CDH19: variants seen among roughly 807,000 people sequenced by gnomAD.
CDH19 encodes cadherin-19.
A neutral mutation model predicts 64.2 loss-of-function variants in CDH19; 67 were observed. That is an observed-to-expected ratio of 1.04 (90% CI 0.86 to 1.28). The LOEUF (loss-of-function observed/expected upper bound fraction) is 1.28. Ranked by LOEUF, CDH19 falls within the 50% of genes most tolerant of loss-of-function variation. CDH19 has a pLI of 0.00. For missense variants in CDH19, 1,030 were observed against 929.0 expected (o/e 1.11, Z -1.41); for synonymous variants, 346 against 319.3 (o/e 1.08, Z -0.89).
intron 1 of CDH19, among the ~76,000 whole-genome samples, chr18:66,579,776 C>T (rs929365514): frequency 1.3e-5 from 2 of 151,916 alleles, no homozygotes; most frequent in African/African-American, 2.4e-5. Flanking sequence ...AGGTATAATA[C>T]ATACTAATGT....
In CDH19 at chr18:66,602,068, G is replaced by T. The variant is rs181985852; in HGVS notation, c.-113+1886C>A. On this transcript the variant is annotated intron_variant, in intron 1 of 11. Transcript: ENST00000262150. Reference sequence around the variant, plus strand: ...AAGATCATCGATGTTAAAGGAAATCGTCGTGACAACAAATTTTTCTTATTC... The same window carrying T: ...AAGATCATCGATGTTAAAGGAAATCTTCGTGACAACAAATTTTTCTTATTC... 4.1e-4 allele frequency among the ~76,000 whole-genome samples: 62 copies of T among 151,958 alleles called. 1 individual carries two copies. Among genetic ancestry groups the T allele is most frequent in the Admixed American group, 4.0e-3 (61 of 15,262 alleles).
chr18:66,585,228 C>G (rs1988542226), intron 1 of CDH19, among the ~76,000 whole-genome samples: 1 of 151,938 alleles, frequency 6.6e-6, no homozygotes, highest in Non-Finnish European at 1.5e-5. Flanking sequence ...GGAAGAAGTC[C>G]TGGATATATA....
intron 1 of CDH19, among the ~76,000 whole-genome samples, chr18:66,573,283 T>G (rs1353171943): frequency 6.6e-6 from 1 of 151,704 alleles, no homozygotes; most frequent in Non-Finnish European, 1.5e-5. Flanking sequence ...ATGTTAGGAC[T>G]TTTTCTACAT....
chr18:66,562,386 T>C (rs1002352772), intron 3 of CDH19, among the ~76,000 whole-genome samples: 2 of 151,804 alleles, frequency 1.3e-5, no homozygotes, highest in Non-Finnish European at 2.9e-5. Context: ...ACATGTGCAG[T>C]TCACAATAGG....
At chr18:66,602,865 T>C (rs1380958789) in intron 1 of CDH19, among the ~76,000 whole-genome samples, 2 of 151,886 alleles carry the variant, frequency 1.3e-5, no homozygotes, top group Admixed American at 6.6e-5. Flanking sequence ...TCACATTACA[T>C]TGAAATTTAA....
intron 1 of CDH19, among the ~76,000 whole-genome samples, chr18:66,586,463 A>T (rs1199642278): frequency 1.3e-5 from 2 of 151,920 alleles, no homozygotes; most frequent in Admixed American, 1.3e-4. Context: ...GCTCTGGGGG[A>T]CTGGAGTGGT....
chr18:66,521,668 TG>T (rs1985992116), intron 9 of CDH19, among the ~76,000 whole-genome samples: 1 of 151,732 alleles, frequency 6.6e-6, no homozygotes, highest in Non-Finnish European at 1.5e-5. Flanking sequence ...CCTTGGTAGC[TG>T]GTTCTACAGG....
intron 8 of CDH19, among the ~76,000 whole-genome samples, chr18:66,531,721 C>T (rs1986452126): frequency 6.6e-6 from 1 of 152,028 alleles, no homozygotes; most frequent in Non-Finnish European, 1.5e-5. Flanking sequence ...ACCAGAATGC[C>T]TCAGTTGGCA....
rs117595206 is a variant in CDH19 at position 66,501,918 on chromosome 18, G to A, written c.*2894C>T. The stretch of plus-strand genomic sequence containing the variant: ...TGAGGGAACAACTAGCAGTTCGCTA[G>A]TCCTAATTTTCTTATTTTTACCATT... On this transcript the variant is annotated 3_prime_UTR_variant, in exon 12 of 12. Transcript: ENST00000262150. 1 of 152,032 alleles carries A rather than the reference G, an allele frequency of 6.6e-6. No homozygotes were observed. The highest frequency in any genetic ancestry group is 1.5e-5 in the Non-Finnish European group (1 of 68,006). 9.4% of individuals were successfully genotyped at this position (152,032 alleles called of 1,614,324 possible). A position where few individuals can be genotyped will look rare whatever the true frequency, so the allele number is the denominator to read the frequency against.
At chr18:66,585,574 G>A (rs150442032) in intron 1 of CDH19, among the ~76,000 whole-genome samples, 1,525 of 152,132 alleles carry the variant, frequency 0.01, 28 homozygotes, top group African/African-American at 0.034. Context: ...TGTCCGGCAC[G>A]TATTAAGAGT....
At chr18:66,548,775 T>C (rs1289819885) in intron 5 of CDH19, among the ~76,000 whole-genome samples, 1 of 152,146 alleles carries the variant, frequency 6.6e-6, no homozygotes, top group Non-Finnish European at 1.5e-5. Flanking sequence ...ATATTTTAAA[T>C]AAATCTTCTC....
intron 8 of CDH19, among the ~76,000 whole-genome samples, chr18:66,531,190 T>C (rs537065615): frequency 1.3e-5 from 2 of 152,296 alleles, no homozygotes; most frequent in Non-Finnish European, 2.9e-5. Context: ...TTTGAGTAAA[T>C]GATCCGATTA....
rs893272477 is a variant in CDH19 at position 66,504,488 on chromosome 18, T to C, written c.*324A>G. The C allele has an allele frequency of 1.5e-5, 3 of 205,218 alleles. No homozygotes were observed. Among genetic ancestry groups the C allele is most frequent in the African/African-American group, 6.9e-5 (3 of 43,616 alleles). The allele number at this position is 205,218 out of a possible 1,614,324, so 12.7% of individuals were successfully genotyped here. On this transcript the variant is annotated 3_prime_UTR_variant, in exon 12 of 12. Transcript: ENST00000262150. The stretch of plus-strand genomic sequence containing the variant: ...CTCGTTTGGTATTTTTACTCTTTCC[T>C]AAGTAAATAATGATATAATCGCATA...
At chr18:66,577,888 G>T (rs1211087743) in intron 1 of CDH19, among the ~76,000 whole-genome samples, 1 of 151,902 alleles carries the variant, frequency 6.6e-6, no homozygotes, top group Non-Finnish European at 1.5e-5. Flanking sequence ...TTCTCAAAGT[G>T]TATTCTATTC....
At chr18:66,526,029 T>A (rs1986207570) in intron 9 of CDH19, among the ~76,000 whole-genome samples, 1 of 152,126 alleles carries the variant, frequency 6.6e-6, no homozygotes, top group African/African-American at 2.4e-5. Context: ...GCCCTTAAAA[T>A]CATAAATAGC....
At chr18:66,592,548 T>C (rs1988774841) in intron 1 of CDH19, among the ~76,000 whole-genome samples, 1 of 151,820 alleles carries the variant, frequency 6.6e-6, no homozygotes, top group Admixed American at 6.6e-5. Context: ...TCTTCCATTC[T>C]TTCCTTTCTC....
chr18:66,529,958 C>A lies in CDH19; in HGVS notation c.1345G>T (p.Glu449Ter). 6.7e-7 allele frequency: 1 copy of A among 1,492,178 alleles called. No individual in the cohort carries two copies. The highest frequency in any genetic ancestry group is 9.1e-7 in the Non-Finnish European group (1 of 1,099,348). 92.4% of individuals were successfully genotyped at this position (1,492,178 alleles called of 1,614,324 possible). A position where few individuals can be genotyped will look rare whatever the true frequency, so the allele number is the denominator to read the frequency against. Residue 449 changes from glutamate (E) to a stop codon, truncating the protein, a stop_gained, in exon 9 of 12, where the codon GAA becomes TAA. Transcript: ENST00000262150. LOFTEE classifies it high-confidence loss of function. Reference sequence around the variant, plus strand: ...TACAGTGGGATCGAAGAGATCTGTTCTATATTGTCTGCAATTTGAATATAT... The same window carrying A: ...TACAGTGGGATCGAAGAGATCTGTTATATATTGTCTGCAATTTGAATATAT... ...SITATEKYNIEQISSIPLYVQ... is the reference protein window; with the variant it reads ...SITATEKYNI
Position 66,560,340 on chromosome 18 carries a change from T to C in CDH19, c.491-5816A>G, listed in dbSNP as rs547903910. Among the ~76,000 whole-genome samples, 4 of 152,196 alleles carry C rather than the reference T, an allele frequency of 2.6e-5. No individual in the cohort carries two copies. The South Asian group carries it at 8.3e-4, about 32-fold the overall frequency. ...AACATCAGGGAAACTTTTCAGTAAA[T>C]TCTGCAAGGTCAGCTTGATATCTCC... On this transcript the variant is annotated intron_variant, in intron 3 of 11. Transcript: ENST00000262150.
intron 5 of CDH19, among the ~76,000 whole-genome samples, chr18:66,546,289 A>G (rs888719342): frequency 1.3e-5 from 2 of 152,140 alleles, no homozygotes; most frequent in African/African-American, 4.8e-5. Context: ...GCAGAAGTTG[A>G]AGACTGACTA....
Sources: allele counts gnomAD v4.1 joint callset (sites outside exome capture counted in the v4.1 genomes callset), GRCh38; gene constraint gnomAD v4.1.1; transcripts MANE v1.5; gene names NCBI Gene and HGNC (gene_info 2026-07-23, HGNC 2026-07-21).